STK32B: variants seen among roughly 807,000 people sequenced by gnomAD.
STK32B encodes serine/threonine-protein kinase 32B.
In STK32B, 43 loss-of-function variants were observed where a neutral mutation model predicts 52.6. That is an observed-to-expected ratio of 0.82 (90% CI 0.64 to 1.05). The LOEUF is 1.05. STK32B is among the 50% of genes least tolerant of loss of function. STK32B has a pLI of 0.00. For missense variants in STK32B, 621 were observed against 534.6 expected (o/e 1.16, Z -1.59); for synonymous variants, 238 against 204.3 (o/e 1.17, Z -1.41).
intron 6 of STK32B, among the ~76,000 whole-genome samples, chr4:5,419,210 C>T (rs2109074654): frequency 6.6e-6 from 1 of 152,290 alleles, no homozygotes; most frequent in South Asian, 2.1e-4. Flanking sequence ...GATAGCGTTC[C>T]TAACTTAACA....
At chr4:5,483,103 A>C (rs1014916769) in intron 11 of STK32B, among the ~76,000 whole-genome samples, 1 of 151,996 alleles carries the variant, frequency 6.6e-6, no homozygotes, top group Non-Finnish European at 1.5e-5. Flanking sequence ...TGGACTCATA[A>C]AATGAGTTAG....
chr4:5,170,855 T>C (rs1159841951), intron 3 of STK32B, among the ~76,000 whole-genome samples: 1 of 152,258 alleles, frequency 6.6e-6, no homozygotes, highest in Non-Finnish European at 1.5e-5. Context: ...AAATGGTATT[T>C]GTAGTTCTAG....
chr4:5,397,504 C>A (rs1423613131), intron 4 of STK32B, among the ~76,000 whole-genome samples: 2 of 152,198 alleles, frequency 1.3e-5, no homozygotes, highest in Non-Finnish European at 2.9e-5. Context: ...TCCAGAAACT[C>A]CTCTGCCCAG....
At chr4:5,108,773 A>T (rs1714243678) in intron 1 of STK32B, among the ~76,000 whole-genome samples, 1 of 152,212 alleles carries the variant, frequency 6.6e-6, no homozygotes, top group Non-Finnish European at 1.5e-5. Flanking sequence ...AAATCTGCCG[A>T]TGCTGTGAGT....
At chr4:5,190,199 G>T (rs17733735) in intron 3 of STK32B, among the ~76,000 whole-genome samples, 14,775 of 152,176 alleles carry the variant, frequency 0.097, 865 homozygotes, top group Non-Finnish European at 0.13. Flanking sequence ...TCTGATTCAG[G>T]GTAAGTTTGT....
Position 5,145,883 on chromosome 4 carries a change from T to G in STK32B, c.108+5923T>G, listed in dbSNP as rs1403273988. Among the ~76,000 whole-genome samples the G allele has an allele frequency of 2.0e-5, 3 of 152,188 alleles. No homozygotes were observed. In the South Asian group the frequency reaches 6.2e-4, roughly 31 times the overall value. Reference sequence around the variant, plus strand: ...TGAGTGCTTTTGCTTTTAGGGCCATTGTTTTATGCCATTTGTATAAGAAAA... The same window carrying G: ...TGAGTGCTTTTGCTTTTAGGGCCATGGTTTTATGCCATTTGTATAAGAAAA... On this transcript the variant is annotated intron_variant, in intron 2 of 11. Transcript: ENST00000282908.
In STK32B at chr4:5,110,272, CAAAAAA is replaced by C. The variant is rs367760309; in HGVS notation, c.53-29620_53-29615del. 7.0e-3 allele frequency among the ~76,000 whole-genome samples: 752 copies of C among 106,726 alleles called. 9 individuals carry two copies. Among genetic ancestry groups the C allele is most frequent in the African/African-American group, 0.024 (689 of 29,056 alleles). The allele number at this position is 106,726 out of a possible 152,430, so 70.0% of individuals were successfully genotyped here. A position where few individuals can be genotyped will look rare whatever the true frequency, so the allele number is the denominator to read the frequency against. ...AAAAATCCTAAAATTCATATGGAAC[CAAAAAA>C]AAAAAAAAAAAAGCGCAAATGACCA... On this transcript the variant is annotated intron_variant, in intron 1 of 11. Transcript: ENST00000282908.
chr4:5,053,730 C>T (rs956083730), intron 1 of STK32B, among the ~76,000 whole-genome samples: 3 of 152,112 alleles, frequency 2.0e-5, no homozygotes, highest in Non-Finnish European at 4.4e-5. Flanking sequence ...TGCCTGTAAT[C>T]CCAGTACTTT....
At chr4:5,220,616 G>T (rs1406870222) in intron 3 of STK32B, among the ~76,000 whole-genome samples, 1 of 152,208 alleles carries the variant, frequency 6.6e-6, no homozygotes, top group Non-Finnish European at 1.5e-5. Context: ...CAGGGAGAAG[G>T]TCACCAAGGA....
chr4:5,325,029 C>G (rs369612844), intron 3 of STK32B, among the ~76,000 whole-genome samples: 3 of 152,196 alleles, frequency 2.0e-5, no homozygotes, highest in Admixed American at 2.0e-4. Context: ...ACATTCACCT[C>G]GTGCTCTGCT....
At position 5,444,456 on chromosome 4, in the gene STK32B, T is replaced by C. The variant is rs537955357; in HGVS notation, c.563-2217T>C. ...AGTGAGGCAATGCCTCGCCCTGCTT[T>C]GGCTCGCGCACTGTGCGCACACCCA... On this transcript the variant is annotated intron_variant, in intron 6 of 11. Coordinates refer to ENST00000282908, the MANE Select transcript of STK32B (RefSeq NM_018401.3). Among the ~76,000 whole-genome samples the C allele has an allele frequency of 6.4e-4, 97 of 152,280 alleles. 4 individuals carry two copies. The South Asian group carries it at 0.01, about 16-fold the overall frequency.
chr4:5,093,504 T>A (rs1355373406), intron 1 of STK32B, among the ~76,000 whole-genome samples: 1 of 151,992 alleles, frequency 6.6e-6, no homozygotes, highest in African/African-American at 2.4e-5. Context: ...TAGGTGGGAA[T>A]TGAACAATGA....
At chr4:5,466,074 C>A (rs1560438564) in intron 9 of STK32B, among the ~76,000 whole-genome samples, 1 of 152,146 alleles carries the variant, frequency 6.6e-6, no homozygotes, top group Non-Finnish European at 1.5e-5. Flanking sequence ...CTTTGGGGAC[C>A]GGCACCTGGG....
intron 1 of STK32B, among the ~76,000 whole-genome samples, chr4:5,132,190 T>C (rs909957079): frequency 3.9e-5 from 6 of 152,228 alleles, no homozygotes; most frequent in African/African-American, 1.2e-4. Flanking sequence ...GACATTTAGG[T>C]TGGTTCTAGG....
rs879059566 is a variant in STK32B, at chr4:5,446,858, G to T, written c.666+82G>T. 226 of 1,405,924 alleles carry T rather than the reference G, an allele frequency of 1.6e-4. 1 individual carries two copies. The South Asian group carries it at 2.4e-3, about 15-fold the overall frequency. 87.1% of individuals were successfully genotyped at this position (1,405,924 alleles called of 1,614,324 possible). On this transcript the variant is annotated intron_variant, in intron 7 of 11. Coordinates refer to ENST00000282908, the MANE Select transcript of STK32B (RefSeq NM_018401.3). ...GTACCTGGACGGGCAGAGTCGGCAG[G>T]GCCCGCGGTGCAGGAAGGAGCACTG...
At chr4:5,366,684 G>T (rs1734900421) in intron 4 of STK32B, among the ~76,000 whole-genome samples, 1 of 152,236 alleles carries the variant, frequency 6.6e-6, no homozygotes, top group Non-Finnish European at 1.5e-5. Context: ...TTGAGTGAAA[G>T]CCCTGGGCAT....
intron 1 of STK32B, among the ~76,000 whole-genome samples, chr4:5,119,070 G>T (rs1020771882): frequency 2.6e-5 from 4 of 152,148 alleles, no homozygotes; most frequent in African/African-American, 4.8e-5. Context: ...TATGTAATCT[G>T]TATGAATCTG....
At chr4:5,207,014 A>G (rs1722614539) in intron 3 of STK32B, among the ~76,000 whole-genome samples, 1 of 152,136 alleles carries the variant, frequency 6.6e-6, no homozygotes. Context: ...TCAGCAAACT[A>G]TGGCTCATGG....
At chr4:5,114,087 G>A (rs927482571) in intron 1 of STK32B, among the ~76,000 whole-genome samples, 2 of 151,996 alleles carry the variant, frequency 1.3e-5, no homozygotes, top group African/African-American at 2.4e-5. Flanking sequence ...TGAGATTTGG[G>A]TGGGGACACA....
Sources: allele counts gnomAD v4.1 joint callset (sites outside exome capture counted in the v4.1 genomes callset), GRCh38; gene constraint gnomAD v4.1.1; transcripts MANE v1.5; gene names NCBI Gene and HGNC (gene_info 2026-07-23, HGNC 2026-07-21).